The following SLC24A2 variants were observed in gnomAD, a reference collection of about 807,000 sequenced individuals.
SLC24A2 encodes solute carrier family 24 member 2, also known as sodium/potassium/calcium exchanger 2.
Under a neutral mutation model 62.0 loss-of-function variants are expected in SLC24A2, and 36 were observed. The observed-to-expected ratio is 0.58, with a 90% CI of 0.44 to 0.77. SLC24A2 has a LOEUF of 0.77. Ranked by LOEUF, SLC24A2 falls within the 30% of genes least tolerant of loss-of-function variation. SLC24A2 has a pLI of 0.00. For missense variants in SLC24A2, 846 were observed against 817.9 expected (o/e 1.03, Z -0.42); for synonymous variants, 358 against 294.0 (o/e 1.22, Z -2.23).
chr9:19,897,424 G>C, the SLC24A2 span, among the ~76,000 whole-genome samples: 342 of 152,024 alleles, frequency 2.2e-3, 1 homozygote, highest in African/African-American at 7.9e-3. Context: ...AGCTTACATA[G>C]AATCCTTTAA....
chr9:20,258,253 T>C, the SLC24A2 span, among the ~76,000 whole-genome samples: 1,283 of 152,334 alleles, frequency 8.4e-3, 14 homozygotes, highest in African/African-American at 0.028. Flanking sequence ...GATACCCAGA[T>C]AGCTGGTAAA....
the SLC24A2 span, among the ~76,000 whole-genome samples, chr9:19,877,832 A>G: frequency 1.3e-5 from 2 of 152,222 alleles, no homozygotes; most frequent in Admixed American, 1.3e-4. Context: ...TCTAGGTTAC[A>G]AGAGTGTACA....
the SLC24A2 span, among the ~76,000 whole-genome samples, chr9:20,207,633 G>A: frequency 6.6e-6 from 1 of 152,128 alleles, no homozygotes; most frequent in South Asian, 2.1e-4. Context: ...ACTATGCATA[G>A]AGTCTGACAC....
the SLC24A2 span, among the ~76,000 whole-genome samples, chr9:20,187,905 C>T: frequency 3.3e-5 from 5 of 152,184 alleles, no homozygotes; most frequent in African/African-American, 1.2e-4. Flanking sequence ...CAGGATCCCA[C>T]ATGATTCCTC....
the SLC24A2 span, among the ~76,000 whole-genome samples, chr9:20,280,887 C>G: frequency 2.0e-5 from 3 of 152,196 alleles, no homozygotes; most frequent in African/African-American, 7.2e-5. Flanking sequence ...CAAGGGAGGC[C>G]TGGAGCCACC....
the SLC24A2 span, among the ~76,000 whole-genome samples, chr9:20,177,568 G>A: frequency 3.7e-4 from 56 of 152,218 alleles, no homozygotes; most frequent in Non-Finnish European, 5.9e-4. Context: ...TGAGTGGTAT[G>A]TTTGGAACAT....
At chr9:19,680,480 G>GCCTCT in intron 2 of SLC24A2, among the ~76,000 whole-genome samples, 1 of 151,998 alleles carries the variant, frequency 6.6e-6, no homozygotes, top group Non-Finnish European at 1.5e-5. Flanking sequence ...CTTCTCTACT[G>GCCTCT]TTGACAAGGT....
intron 2 of SLC24A2, among the ~76,000 whole-genome samples, chr9:19,695,099 G>GT (rs1820149361): frequency 6.6e-6 from 1 of 151,966 alleles, no homozygotes; most frequent in Admixed American, 6.6e-5. Context: ...TTCCCCAGGG[G>GT]TTAGAGACAT....
intron 2 of SLC24A2, among the ~76,000 whole-genome samples, chr9:19,716,375 G>C (rs1315917017): frequency 6.6e-6 from 1 of 152,110 alleles, no homozygotes; most frequent in Non-Finnish European, 1.5e-5. Context: ...ACTTATTGTG[G>C]GCTTACTATG....
intron 10 of SLC24A2, among the ~76,000 whole-genome samples, chr9:19,518,424 TC>T (rs1335480245): frequency 6.6e-6 from 1 of 150,862 alleles, no homozygotes; most frequent in Non-Finnish European, 1.5e-5. Flanking sequence ...TCTTTTCTTT[TC>T]TTTTTTTTTT....
At chr9:19,732,408 C>CA (rs1564069390) in intron 2 of SLC24A2, among the ~76,000 whole-genome samples, 1 of 152,302 alleles carries the variant, frequency 6.6e-6, no homozygotes, top group East Asian at 1.9e-4. Context: ...TATTAAAGAG[C>CA]ATGAGAACCC....
chr9:20,104,816 A>G, the SLC24A2 span, among the ~76,000 whole-genome samples: 2 of 152,234 alleles, frequency 1.3e-5, no homozygotes, highest in Admixed American at 6.5e-5. Context: ...ACCAGCTAAC[A>G]TCATAATGAC....
At chr9:19,716,083 C>T (rs1031416094) in intron 2 of SLC24A2, among the ~76,000 whole-genome samples, 2 of 152,174 alleles carry the variant, frequency 1.3e-5, no homozygotes, top group African/African-American at 4.8e-5. Context: ...TATTTTAGAA[C>T]AGAGAAAGAT....
At chr9:19,991,312 G>T in the SLC24A2 span, among the ~76,000 whole-genome samples, 1 of 152,132 alleles carries the variant, frequency 6.6e-6, no homozygotes, top group Admixed American at 6.5e-5. Flanking sequence ...AGGGCAGGAA[G>T]CATCCAGCAT....
chr9:20,272,630 T>C, the SLC24A2 span, among the ~76,000 whole-genome samples: 2 of 152,130 alleles, frequency 1.3e-5, no homozygotes, highest in Non-Finnish European at 2.9e-5. Flanking sequence ...CATATAAACA[T>C]ACAAACCAGT....
chr9:19,569,781 G>A (rs954522050), intron 7 of SLC24A2, among the ~76,000 whole-genome samples: 1 of 152,044 alleles, frequency 6.6e-6, no homozygotes, highest in Non-Finnish European at 1.5e-5. Context: ...CCTCCTCTCT[G>A]ACTTCATTGC....
chr9:20,063,426 G>C, the SLC24A2 span, among the ~76,000 whole-genome samples: 1 of 147,128 alleles, frequency 6.8e-6, no homozygotes, highest in Non-Finnish European at 1.5e-5. Flanking sequence ...GTCACTCATA[G>C]GTGGGAATTG....
intron 2 of SLC24A2, among the ~76,000 whole-genome samples, chr9:19,653,540 C>T (rs1818858311): frequency 6.6e-6 from 1 of 152,180 alleles, no homozygotes. Context: ...ATTCCAATAG[C>T]TTTCTTTCCA....
chr9:20,263,451 G>A, the SLC24A2 span, among the ~76,000 whole-genome samples: 1 of 152,038 alleles, frequency 6.6e-6, no homozygotes, highest in African/African-American at 2.4e-5. Context: ...GTCTTACTAT[G>A]TTTCCAGGGC....
Sources: gnomAD v4.1 joint callset for allele counts (sites outside exome capture counted in the v4.1 genomes callset) on GRCh38, gnomAD v4.1.1 for gene constraint, MANE v1.5 for transcripts, NCBI Gene and HGNC (gene_info 2026-07-23, HGNC 2026-07-21) for gene names.